ABCD2: variants seen among roughly 807,000 people sequenced by gnomAD.
The protein encoded by ABCD2 is ATP-binding cassette sub-family D member 2.
A neutral mutation model predicts 70.9 loss-of-function variants in ABCD2; 36 were observed. That is an observed-to-expected ratio of 0.51 (90% CI 0.39 to 0.67). ABCD2 has a LOEUF of 0.67. Among genes scored for constraint, ABCD2 ranks in the 30% least tolerant of loss-of-function variants. ABCD2 has a pLI of 0.00. For synonymous variants in ABCD2, 304 were observed against 306.9 expected, an observed-to-expected ratio of 0.99 and a Z score of 0.10; for missense variants, 729 against 890.2, an observed-to-expected ratio of 0.82 and a Z score of 2.30.
chr12:39,545,294 G>A (rs1448814092), downstream of ABCD2, among the ~76,000 whole-genome samples: 1 of 152,124 alleles, frequency 6.6e-6, no homozygotes, highest in Non-Finnish European at 1.5e-5. Context: ...AGGAATCTCA[G>A]GTAAGATTTT....
rs377751649 is a variant in ABCD2, at chr12:39,554,057, C to T, written c.2078G>A (p.Arg693His). Residue 693 changes from arginine to histidine, a missense_variant, in exon 10 of 10, where the codon CGT (arginine) becomes CAT (histidine). Arg to His is a conservative substitution (Grantham distance 29). Around this residue, in one of 3 missense-constraint regions of ABCD2, gnomAD observed 289 missense variants for 328.8 expected, o/e 0.88. Transcript: ENST00000308666. ...TTGTTTTTCTTCACTCAATGTCAAA[C>T]GGATAGCAGTATCCAATTGTTCAAA... Reference protein sequence around the residue: ...WRFEQLDTAIRLTLSEEKQKL... With the variant: ...WRFEQLDTAIHLTLSEEKQKL... The T allele has an allele frequency of 8.2e-5, 132 of 1,613,540 alleles. No individual in the cohort carries two copies. The highest frequency in any genetic ancestry group is 6.4e-4 in the African/African-American group (48 of 74,888).
At chr12:39,562,171 C>G (rs1005144347) in intron 9 of ABCD2, among the ~76,000 whole-genome samples, 1 of 152,060 alleles carries the variant, frequency 6.6e-6, no homozygotes, top group Non-Finnish European at 1.5e-5. Context: ...CATACCAAAT[C>G]TGTAGAATAC....
At position 39,598,156 on chromosome 12, in the gene ABCD2, A is replaced by G. The variant is rs74088760; in HGVS notation, c.1646+2415T>C. Among the ~76,000 whole-genome samples, 371 of 152,160 alleles carry G rather than the reference A, an allele frequency of 2.4e-3. 2 individuals carry two copies. The highest frequency in any genetic ancestry group is 8.5e-3 in the African/African-American group (351 of 41,506). Reference sequence around the variant, plus strand: ...TTATAAATCCACTTTTACAAAATATACTCTATTTTTCTCCCATGCAAGTAA... The same window carrying G: ...TTATAAATCCACTTTTACAAAATATGCTCTATTTTTCTCCCATGCAAGTAA... On this transcript the variant is annotated intron_variant, in intron 6 of 9. Transcript: ENST00000308666.
At chr12:39,566,996 C>T (rs931070696) in intron 9 of ABCD2, among the ~76,000 whole-genome samples, 4 of 152,120 alleles carry the variant, frequency 2.6e-5, no homozygotes, top group African/African-American at 9.7e-5. Context: ...GTCTGAGAGA[C>T]AGTTTGTTAT....
At chr12:39,611,694 T>C (rs541510262) in intron 2 of ABCD2, among the ~76,000 whole-genome samples, 39 of 152,150 alleles carry the variant, frequency 2.6e-4, no homozygotes, top group Non-Finnish European at 4.9e-4. Context: ...AAGAAAATTA[T>C]TGGTGAATTA....
chr12:39,604,400 T>A (rs576170095), intron 4 of ABCD2, among the ~76,000 whole-genome samples: 2 of 152,124 alleles, frequency 1.3e-5, no homozygotes, highest in African/African-American at 2.4e-5. Context: ...AATGCAATTT[T>A]AAAAAATATG....
At chr12:39,556,790 G>T (rs1175488060) in intron 9 of ABCD2, among the ~76,000 whole-genome samples, 1 of 151,990 alleles carries the variant, frequency 6.6e-6, no homozygotes. Flanking sequence ...TTCAAGACCA[G>T]CCTGGCCAAG....
Position 39,586,230 on chromosome 12 carries a change from C to G in ABCD2, c.1714G>C (p.Asp572His). Reference protein sequence around the residue: ...IYPDSVDDMHDKGYTDQDLER... With the variant: ...IYPDSVDDMHHKGYTDQDLER... ...AGATCTTGGTCTGTATAACCTTTATCATGCATATCATCCACTGAATCAGGG... is the reference window on the plus strand; with the variant it reads ...AGATCTTGGTCTGTATAACCTTTATGATGCATATCATCCACTGAATCAGGG... Residue 572 changes from aspartate (D) to histidine (H), a missense_variant, in exon 7 of 10, where the codon GAT (aspartate) becomes CAT (histidine). This residue lies in a region of ABCD2 where 289 missense variants were observed against 328.8 expected (regional missense o/e 0.88). Coordinates refer to ENST00000308666, the MANE Select transcript of ABCD2 (RefSeq NM_005164.4). 1 of 1,613,476 alleles carries G rather than the reference C, an allele frequency of 6.2e-7. No individual in the cohort carries two copies. The highest frequency in any genetic ancestry group is 8.5e-7 in the Non-Finnish European group (1 of 1,179,610).
At chr12:39,615,358 T>C (rs943660520) in intron 2 of ABCD2, among the ~76,000 whole-genome samples, 1 of 152,068 alleles carries the variant, frequency 6.6e-6, no homozygotes, top group African/African-American at 2.4e-5. Flanking sequence ...TCTGATAATT[T>C]TGACTTTTTT....
intron 9 of ABCD2, among the ~76,000 whole-genome samples, chr12:39,560,726 T>C: frequency 6.6e-6 from 1 of 152,112 alleles, no homozygotes; most frequent in Non-Finnish European, 1.5e-5. Flanking sequence ...AGATTGTGCC[T>C]TTTTTGCAAT....
intron 9 of ABCD2, among the ~76,000 whole-genome samples, chr12:39,568,750 T>G (rs1941399555): frequency 1.3e-5 from 2 of 152,180 alleles, no homozygotes; most frequent in African/African-American, 4.8e-5. Flanking sequence ...TTCCCCATCT[T>G]TCTGGTTTTA....
intron 6 of ABCD2, among the ~76,000 whole-genome samples, chr12:39,588,601 G>A (rs1405758228): frequency 6.6e-6 from 1 of 152,148 alleles, no homozygotes; most frequent in African/African-American, 2.4e-5. Context: ...CGGGTGTTCA[G>A]GAATGCGAGA....
At chr12:39,594,417 A>T (rs143623204) in intron 6 of ABCD2, among the ~76,000 whole-genome samples, 1 of 152,308 alleles carries the variant, frequency 6.6e-6, no homozygotes, top group African/African-American at 2.4e-5. Flanking sequence ...AAATAACAAT[A>T]CCCTAGAGAT....
intron 6 of ABCD2, among the ~76,000 whole-genome samples, chr12:39,596,108 G>T (rs1264055191): frequency 6.6e-6 from 1 of 152,110 alleles, no homozygotes; most frequent in Non-Finnish European, 1.5e-5. Context: ...AGAACATTAT[G>T]CTATCCAGAA....
intron 9 of ABCD2, among the ~76,000 whole-genome samples, chr12:39,566,096 T>C (rs182664258): frequency 9.8e-4 from 149 of 152,312 alleles, no homozygotes; most frequent in Admixed American, 1.7e-3. Flanking sequence ...TTCTCTTTTT[T>C]TGTTGTGTCT....
In ABCD2 at chr12:39,607,544, G is replaced by C. The variant is rs568234365; in HGVS notation, c.1236+55C>G. On this transcript the variant is annotated intron_variant, in intron 3 of 9. Transcript: ENST00000308666. ...AAGTATACTTGGTAATTGACATTTT[G>C]CTTGATTTTCATAAATTTTATTTTA... 2.9e-6 allele frequency: 4 copies of C among 1,387,656 alleles called. No homozygotes were observed. In the African/African-American group the frequency reaches 5.8e-5, roughly 20 times the overall value. The allele number at this position is 1,387,656 out of a possible 1,614,324, so 86.0% of individuals were successfully genotyped here. A position where few individuals can be genotyped will look rare whatever the true frequency, so the allele number is the denominator to read the frequency against.
At chr12:39,588,718 C>A (rs1482306135) in intron 6 of ABCD2, among the ~76,000 whole-genome samples, 1 of 150,956 alleles carries the variant, frequency 6.6e-6, no homozygotes, top group African/African-American at 2.4e-5. Flanking sequence ...AATCACATCA[C>A]GGAGAAACTA....
At chr12:39,610,678 C>T (rs1359867170) in intron 2 of ABCD2, among the ~76,000 whole-genome samples, 1 of 152,180 alleles carries the variant, frequency 6.6e-6, no homozygotes. Context: ...GATGGACTGG[C>T]ATTTCATATG....
intron 9 of ABCD2, among the ~76,000 whole-genome samples, chr12:39,558,303 G>A (rs1941200648): frequency 6.6e-6 from 1 of 152,134 alleles, no homozygotes. Context: ...TTATATCTAG[G>A]AAGTAACTAA....
Sources: allele counts gnomAD v4.1 joint callset (sites outside exome capture counted in the v4.1 genomes callset), GRCh38; gene constraint gnomAD v4.1.1; regional missense constraint gnomAD v4.1.1; transcripts MANE v1.5; gene names NCBI Gene and HGNC (gene_info 2026-07-23, HGNC 2026-07-21).